Variants in ASTN2 observed in about 807,000 individuals in gnomAD.
ASTN2 encodes the protein astrotactin 2, also known as astrotactin-2.
A neutral mutation model predicts 139.8 loss-of-function variants in ASTN2; 54 were observed. That is an observed-to-expected ratio of 0.39 (90% confidence interval 0.31 to 0.48). The LOEUF is 0.48. Ranked by LOEUF, ASTN2 falls within the 20% of genes least tolerant of loss-of-function variation. The pLI is 0.95. For synonymous variants in ASTN2, 756 were observed against 719.5 expected (o/e 1.05, Z -0.81); for missense variants, 1,565 against 1,725.1 (o/e 0.91, Z 1.64).
chr9:116,565,416 T>TCC (rs1564120538), intron 19 of ASTN2, among the ~76,000 whole-genome samples: 10 of 129,478 alleles, frequency 7.7e-5, no homozygotes, highest in African/African-American at 2.4e-4. Flanking sequence ...TATATATATA[T>TCC]ATATATATAT....
rs116155243 is a variant in ASTN2, at chr9:117,188,916, A to G, written c.1015+25442T>C. Among the ~76,000 whole-genome samples, 430 of 152,196 alleles carry G rather than the reference A, an allele frequency of 2.8e-3. 2 individuals are homozygous for G. Among genetic ancestry groups the G allele is most frequent in the African/African-American group, 9.8e-3 (409 of 41,526 alleles). On this transcript the variant is annotated intron_variant, in intron 3 of 22. Coordinates refer to ENST00000313400, the MANE Select transcript of ASTN2 (RefSeq NM_001365068.1). ...TCTCTAACCATGCTCAGTGGGCAGC[A>G]CTACATCTACCTGAGCATCAGTGAG... is the stretch of plus-strand genomic sequence containing the variant.
intron 1 of ASTN2, among the ~76,000 whole-genome samples, chr9:117,360,090 C>T (rs374749896): frequency 1.3e-5 from 2 of 152,096 alleles, no homozygotes; most frequent in South Asian, 2.1e-4. Flanking sequence ...TGTGTGTGTG[C>T]AGCTGTCCGG....
rs1837418170 is a variant in ASTN2, at chr9:117,008,271, CGG to C, written c.1424-14_1424-13del. On this transcript the variant is annotated splice_polypyrimidine_tract_variant and intron_variant, in intron 6 of 22. Coordinates refer to ENST00000313400, the MANE Select transcript of ASTN2 (RefSeq NM_001365068.1). ...CACGAAGCTGCTTCCTATGGGTGAACGGAGAGACAGATACTTTCTTACTGATT... is the reference window on the plus strand; with the variant it reads ...CACGAAGCTGCTTCCTATGGGTGAACAGAGACAGATACTTTCTTACTGATT... The C allele has an allele frequency of 1.3e-6, 2 of 1,583,172 alleles. No individual in the cohort carries two copies. Among genetic ancestry groups the C allele is most frequent in the Non-Finnish European group, 8.6e-7 (1 of 1,163,986 alleles).
At chr9:116,499,763 T>C (rs7043570) in intron 19 of ASTN2, among the ~76,000 whole-genome samples, 108,822 of 151,908 alleles carry the variant, frequency 0.72, 40,106 homozygotes, top group Middle Eastern at 0.81. Context: ...AACCTTGGAG[T>C]TGTGTTGGAA....
chr9:117,089,459 G>T (rs974406524), intron 5 of ASTN2, among the ~76,000 whole-genome samples: 1 of 152,128 alleles, frequency 6.6e-6, no homozygotes. Flanking sequence ...TTATTTACTT[G>T]ATCAAACATA....
intron 4 of ASTN2, among the ~76,000 whole-genome samples, chr9:117,099,335 A>G (rs1828917629): frequency 6.6e-6 from 1 of 152,152 alleles, no homozygotes; most frequent in Non-Finnish European, 1.5e-5. Flanking sequence ...CACACTTTGA[A>G]ACATTTCAGC....
intron 1 of ASTN2, among the ~76,000 whole-genome samples, chr9:117,313,703 CAGTT>C (rs2130819393): frequency 6.6e-6 from 1 of 152,202 alleles, no homozygotes; most frequent in South Asian, 2.1e-4. Context: ...CAGAACCAGC[CAGTT>C]AGACACTTGG....
At chr9:116,803,328 T>A (rs997477180) in intron 13 of ASTN2, among the ~76,000 whole-genome samples, 68 of 148,462 alleles carry the variant, frequency 4.6e-4, no homozygotes, top group Admixed American at 4.2e-3. Flanking sequence ...TTTTTTTTTT[T>A]AAATAGAGAC....
intron 19 of ASTN2, among the ~76,000 whole-genome samples, chr9:116,521,668 T>G (rs1046196492): frequency 2.0e-5 from 3 of 152,024 alleles, no homozygotes; most frequent in African/African-American, 7.2e-5. Flanking sequence ...TTACTTAAAC[T>G]AAAAAGCTTC....
At position 117,044,993 on chromosome 9, in the gene ASTN2, C is replaced by T. The variant is rs142406034; in HGVS notation, c.1277-5028G>A. ...TACAGAGATTGGATGAGAACTAGTC[C>T]TGTTCCAGCCTTTCCCCTGTATCAC... On this transcript the variant is annotated intron_variant, in intron 5 of 22. Transcript: ENST00000313400. Among the ~76,000 whole-genome samples, 193 of 152,178 alleles carry T rather than the reference C, an allele frequency of 1.3e-3. 5 individuals are homozygous for T. The East Asian group carries it at 0.025, about 19-fold the overall frequency.
At chr9:117,377,057 C>T (rs753808422) in intron 1 of ASTN2, among the ~76,000 whole-genome samples, 2 of 152,146 alleles carry the variant, frequency 1.3e-5, no homozygotes, top group Non-Finnish European at 2.9e-5. Context: ...ATCCATCAGA[C>T]CAAGAGGGGA....
chr9:117,011,877 G>C (rs981114569), intron 6 of ASTN2, among the ~76,000 whole-genome samples: 1 of 152,148 alleles, frequency 6.6e-6, no homozygotes, highest in Non-Finnish European at 1.5e-5. Flanking sequence ...CTATCTTGAG[G>C]CTCAGGGGTT....
chr9:117,120,014 G>GACA (rs1829506027), intron 4 of ASTN2, among the ~76,000 whole-genome samples: 1 of 35,324 alleles, frequency 2.8e-5, no homozygotes, highest in African/African-American at 7.4e-5. Context: ...GTGTGTGTGT[G>GACA]TGTGTATATA....
chr9:116,659,164 T>C (rs1001626640), intron 16 of ASTN2, among the ~76,000 whole-genome samples: 6 of 152,012 alleles, frequency 3.9e-5, no homozygotes, highest in Admixed American at 2.0e-4. Context: ...ATCCTCATTA[T>C]AGTACATGTC....
At chr9:116,484,278 CT>C (rs1849266100) in intron 20 of ASTN2, among the ~76,000 whole-genome samples, 1 of 152,204 alleles carries the variant, frequency 6.6e-6, no homozygotes, top group South Asian at 2.1e-4. Flanking sequence ...AGTCAACTCT[CT>C]TCCCTACAAC....
intron 16 of ASTN2, chr9:116,687,506 A>G (rs1472411511): frequency 2.1e-5 from 2 of 95,158 alleles, no homozygotes; most frequent in Non-Finnish European, 4.0e-5. Context: ...GGGTGTGGGG[A>G]CCGGATCTGG....
intron 17 of ASTN2, among the ~76,000 whole-genome samples, chr9:116,640,567 C>T (rs1172896849): frequency 2.0e-5 from 3 of 152,140 alleles, no homozygotes; most frequent in Non-Finnish European, 2.9e-5. Context: ...TTTGGCAGGA[C>T]AGAGCACAGT....
chr9:117,114,438 C>A (rs1373563314), intron 4 of ASTN2, among the ~76,000 whole-genome samples: 1 of 152,158 alleles, frequency 6.6e-6, no homozygotes, highest in Non-Finnish European at 1.5e-5. Flanking sequence ...ATTCTTCCTG[C>A]AGCTGTCTGG....
chr9:116,798,245 TG>T (rs891330635), intron 13 of ASTN2, among the ~76,000 whole-genome samples: 20 of 152,356 alleles, frequency 1.3e-4, no homozygotes, highest in African/African-American at 4.8e-4. Flanking sequence ...CACGCCAGCC[TG>T]GGCGACAGAG....
Sources: allele counts gnomAD v4.1 joint callset (sites outside exome capture counted in the v4.1 genomes callset), GRCh38; gene constraint gnomAD v4.1.1; transcripts MANE v1.5; gene names NCBI Gene and HGNC (gene_info 2026-07-23, HGNC 2026-07-21).